CPSF3: variants seen among roughly 807,000 people sequenced by gnomAD.
CPSF3 encodes the protein cleavage and polyadenylation specific factor 3.
In CPSF3, 57 loss-of-function variants were observed where a neutral mutation model predicts 84.1. The ratio of observed to expected loss-of-function variants is 0.68; its 90% CI spans 0.55 to 0.85. CPSF3 has a LOEUF of 0.85. Ranked by LOEUF, CPSF3 falls within the 40% of genes least tolerant of loss-of-function variation. CPSF3 has a pLI of 0.00. For synonymous variants in CPSF3, 275 were observed against 278.1 expected (o/e 0.99, Z 0.11); for missense variants, 522 against 838.8 (o/e 0.62, Z 4.66).
At chr2:9,447,082 G>A (rs148210298) in intron 10 of CPSF3, among the ~76,000 whole-genome samples, 368 of 150,018 alleles carry the variant, frequency 2.5e-3, no homozygotes, top group Admixed American at 3.5e-3. Context: ...TTGAGGCCAC[G>A]GTGAGCCAAG....
At position 9,445,307 on chromosome 2, in the gene CPSF3, C is replaced by T. The variant is rs112470746; in HGVS notation, c.1242+1646C>T. ...TGTGGCATGTATCAGCACTTCATGC[C>T]GAAGTCATGGTCCGTTATATGTAGA... On this transcript the variant is annotated intron_variant, in intron 10 of 17. Coordinates refer to ENST00000238112, the MANE Select transcript of CPSF3 (RefSeq NM_016207.4). Among the ~76,000 whole-genome samples the T allele has an allele frequency of 4.7e-3, 712 of 152,214 alleles. 5 individuals carry two copies. The highest frequency in any genetic ancestry group is 0.017 in the African/African-American group (687 of 41,544).
chr2:9,467,092 T>C (rs904817131), intron 15 of CPSF3, among the ~76,000 whole-genome samples: 2 of 152,232 alleles, frequency 1.3e-5, no homozygotes, highest in Admixed American at 6.5e-5. Context: ...CTGTGAGCTC[T>C]GCACTCTTTT....
chr2:9,424,120 G>T (rs2148929081), intron 1 of CPSF3: 2 of 1,154,596 alleles, frequency 1.7e-6, no homozygotes, highest in East Asian at 5.1e-5. Context: ...GCTAAGAAGC[G>T]TTTTCACTTA....
intron 10 of CPSF3, among the ~76,000 whole-genome samples, chr2:9,446,538 G>A (rs1174914194): frequency 2.1e-5 from 3 of 142,282 alleles, no homozygotes; most frequent in Admixed American, 7.6e-5. Context: ...CCGAGATCAC[G>A]CCACTAGACT....
intron 4 of CPSF3, 116 bp from the exon 5 acceptor site, chr2:9,432,395 C>A: frequency 1.5e-6 from 1 of 645,642 alleles, no homozygotes; most frequent in Non-Finnish European, 2.3e-6. Flanking sequence ...ATGATTCATA[C>A]AGTATATTTT....
intron 7 of CPSF3, among the ~76,000 whole-genome samples, chr2:9,438,699 T>A (rs1680868273): frequency 6.6e-6 from 1 of 152,050 alleles, no homozygotes; most frequent in South Asian, 2.1e-4. Context: ...TTTCACCACA[T>A]TGGCCAGGCT....
chr2:9,457,124 A>C, intron 14 of CPSF3, 97 bp downstream of exon 14: 1 of 651,410 alleles, frequency 1.5e-6, no homozygotes, highest in South Asian at 2.0e-5. Flanking sequence ...CCCAATTAGA[A>C]AAAGAATATT....
At chr2:9,457,147 ATG>A (rs70948817) in intron 14 of CPSF3, 120 bp downstream of exon 14, 49,804 of 332,438 alleles carry the variant, frequency 0.15, 2,520 homozygotes, top group Non-Finnish European at 0.17. Context: ...TGGAAAGTAT[ATG>A]TGTGTGTGTG....
intron 16 of CPSF3, among the ~76,000 whole-genome samples, chr2:9,469,949 C>T (rs1202728485): frequency 6.6e-6 from 1 of 152,152 alleles, no homozygotes; most frequent in Non-Finnish European, 1.5e-5. Context: ...TGTGGTGACC[C>T]ACACCTGTAA....
rs549715796 is a variant in CPSF3 at position 9,471,459 on chromosome 2, T to A, written c.1953+20T>A. On this transcript the variant is annotated intron_variant, in intron 17 of 17. Coordinates refer to ENST00000238112, the MANE Select transcript of CPSF3 (RefSeq NM_016207.4). ...ACACGGGTATGTAGCTGCTCTTTCCTACGTTTCAAGACATTTGGGAAATAA... is the reference window on the plus strand; with the variant it reads ...ACACGGGTATGTAGCTGCTCTTTCCAACGTTTCAAGACATTTGGGAAATAA... 5 of 1,423,124 alleles carry A rather than the reference T, an allele frequency of 3.5e-6. No homozygotes were observed. In the East Asian group the frequency reaches 1.1e-4, roughly 32 times the overall value. 88.2% of individuals were successfully genotyped at this position (1,423,124 alleles called of 1,614,324 possible).
chr2:9,455,361 C>G (rs1363144004), intron 12 of CPSF3, among the ~76,000 whole-genome samples: 2 of 152,062 alleles, frequency 1.3e-5, no homozygotes, highest in African/African-American at 4.8e-5. Context: ...GTCTTGAACT[C>G]CTGATCTCGT....
chr2:9,472,006 C>CAAAA (rs35342941), intron 17 of CPSF3, among the ~76,000 whole-genome samples: 5 of 97,190 alleles, frequency 5.1e-5, no homozygotes, highest in Non-Finnish European at 7.8e-5. Context: ...ACTCTGTCTC[C>CAAAA]AAAAAAAAAA....
At chr2:9,435,359 C>T (rs1002142306) in intron 6 of CPSF3, among the ~76,000 whole-genome samples, 1 of 151,742 alleles carries the variant, frequency 6.6e-6, no homozygotes, top group Non-Finnish European at 1.5e-5. Context: ...TAAAAAAGGA[C>T]ATGGGAAGAA....
chr2:9,440,748 G>A, intron 8 of CPSF3, 82 bp downstream of exon 8: 1 of 1,366,388 alleles, frequency 7.3e-7, no homozygotes, highest in Non-Finnish European at 1.0e-6. Context: ...CGTGAGTGAT[G>A]GCTCACAGCT....
chr2:9,456,947 T>C lies in CPSF3; in HGVS notation c.1618T>C (p.Leu540=). 6.3e-7 allele frequency: 1 copy of C among 1,587,668 alleles called. No individual in the cohort carries two copies. Among genetic ancestry groups the C allele is most frequent in the East Asian group, 2.2e-5 (1 of 44,630 alleles). The change falls in exon 14 of 18, where the codon TTA becomes CTA. Residue 540 remains leucine (L), a synonymous_variant. Coordinates refer to ENST00000238112, the MANE Select transcript of CPSF3 (RefSeq NM_016207.4). ...CTTTCTTTCAGGTGATGTGGAAGAA[T>C]TAGAAATTCAAGAAAAACCTGCTCT... The part of the protein sequence containing the change: ...LQKLTGDVEE[L]EIQEKPALKV...
At chr2:9,425,881 T>C (rs1175628450) in intron 1 of CPSF3, among the ~76,000 whole-genome samples, 1 of 152,228 alleles carries the variant, frequency 6.6e-6, no homozygotes, top group African/African-American at 2.4e-5. Flanking sequence ...TCCCAAGAGA[T>C]ACCTTGTATT....
intron 17 of CPSF3, among the ~76,000 whole-genome samples, 194 bp downstream of exon 17, chr2:9,471,633 T>C (rs1386304938): frequency 1.3e-5 from 2 of 152,138 alleles, no homozygotes; most frequent in Non-Finnish European, 2.9e-5. Flanking sequence ...GGTTACTGCA[T>C]AGTACAAGGT....
At chr2:9,447,062 G>A (rs866612681) in intron 10 of CPSF3, among the ~76,000 whole-genome samples, 3 of 150,242 alleles carry the variant, frequency 2.0e-5, no homozygotes, top group African/African-American at 4.9e-5. Context: ...GATTGTATAA[G>A]CCTGGGAGAT....
chr2:9,468,045 C>T (rs937850496), intron 16 of CPSF3: 3 of 332,436 alleles, frequency 9.0e-6, no homozygotes, highest in African/African-American at 2.1e-5. Context: ...AGTTAGCAAG[C>T]GTTAAAACAT....
Sources: gnomAD v4.1 joint callset for allele counts (sites outside exome capture counted in the v4.1 genomes callset) on GRCh38, gnomAD v4.1.1 for gene constraint, MANE v1.5 for transcripts, NCBI Gene and HGNC (gene_info 2026-07-23, HGNC 2026-07-21) for gene names.